DPP10: variants seen among roughly 807,000 people sequenced by gnomAD.
DPP10 encodes the protein dipeptidyl peptidase like 10.
DPP10 carries 33 observed loss-of-function variants against 120.9 expected under a neutral mutation model. The ratio of observed to expected loss-of-function variants is 0.27; its 90% CI spans 0.21 to 0.37. The LOEUF (loss-of-function observed/expected upper bound fraction) is 0.37. DPP10 is among the 10% of genes least tolerant of loss of function. DPP10 has a pLI of 1.00. For synonymous variants in DPP10, 337 were observed against 326.1 expected, an observed-to-expected ratio of 1.03 and a Z score of -0.36; for missense variants, 816 against 942.8, an observed-to-expected ratio of 0.87 and a Z score of 1.76.
At chr2:115,677,973 C>T (rs1041197106) in intron 5 of DPP10, among the ~76,000 whole-genome samples, 2 of 152,160 alleles carry the variant, frequency 1.3e-5, no homozygotes, top group African/African-American at 4.8e-5. Context: ...ACATTCTTCT[C>T]ATTAGCACAT....
At chr2:114,681,050 T>G (rs1425872890) in intron 1 of DPP10, among the ~76,000 whole-genome samples, 2 of 152,008 alleles carry the variant, frequency 1.3e-5, no homozygotes, top group Admixed American at 6.6e-5. Context: ...TAAGCTGATC[T>G]TCTCCAAAAA....
chr2:114,840,434 T>C (rs541355342), intron 1 of DPP10, among the ~76,000 whole-genome samples: 1 of 152,010 alleles, frequency 6.6e-6, no homozygotes, highest in Non-Finnish European at 1.5e-5. Flanking sequence ...AACTCCCAAA[T>C]TTTCAGGTTC....
intron 1 of DPP10, among the ~76,000 whole-genome samples, chr2:114,616,607 T>C (rs1353630497): frequency 6.6e-6 from 1 of 152,130 alleles, no homozygotes; most frequent in East Asian, 1.9e-4. Context: ...ACGTGGGGAC[T>C]GTTTGCTCAC....
At chr2:114,888,522 G>T (rs189617901) in intron 1 of DPP10, among the ~76,000 whole-genome samples, 140 of 152,220 alleles carry the variant, frequency 9.2e-4, no homozygotes, top group Middle Eastern at 6.8e-3. Context: ...CAAAAAAAAT[G>T]ATGATCAAAA....
At chr2:114,739,510 G>A (rs1323966317) in intron 1 of DPP10, among the ~76,000 whole-genome samples, 2 of 151,876 alleles carry the variant, frequency 1.3e-5, no homozygotes, top group Non-Finnish European at 2.9e-5. Context: ...AATACAAAAA[G>A]TAACCAAGTG....
At chr2:114,479,228 A>G (rs1026941496) in intron 1 of DPP10, among the ~76,000 whole-genome samples, 6 of 152,178 alleles carry the variant, frequency 3.9e-5, no homozygotes, top group Admixed American at 6.5e-5. Flanking sequence ...TTGTTTTTAC[A>G]CATAGACAAG....
intron 1 of DPP10, among the ~76,000 whole-genome samples, chr2:115,304,289 T>G (rs562169375): frequency 1.4e-4 from 21 of 152,038 alleles, no homozygotes; most frequent in African/African-American, 4.8e-4. Context: ...CAAGTCAATA[T>G]AGGGAAGGGA....
intron 1 of DPP10, among the ~76,000 whole-genome samples, chr2:114,942,313 A>ATATATATATATATATATG (rs1696986957): frequency 8.0e-6 from 1 of 125,716 alleles, no homozygotes; most frequent in African/African-American, 3.0e-5. Context: ...ATATATATAT[A>ATATATATATATATATATG]TATATATACA....
intron 1 of DPP10, among the ~76,000 whole-genome samples, chr2:115,286,171 T>G (rs1283367117): frequency 1.3e-5 from 2 of 151,776 alleles, no homozygotes; most frequent in Non-Finnish European, 2.9e-5. Context: ...TGCATCCTAA[T>G]ACTGGTATGC....
At chr2:115,077,228 G>T in intron 1 of DPP10, among the ~76,000 whole-genome samples, 1 of 152,204 alleles carries the variant, frequency 6.6e-6, no homozygotes, top group Middle Eastern at 3.4e-3. Flanking sequence ...AAAATAACAT[G>T]AGTAAAATCT....
At chr2:115,379,731 C>T (rs2106457178) in intron 3 of DPP10, among the ~76,000 whole-genome samples, 1 of 151,910 alleles carries the variant, frequency 6.6e-6, no homozygotes, top group South Asian at 2.1e-4. Context: ...TGAATGCGTC[C>T]CAGAGATTCT....
At chr2:115,604,812 C>A (rs558026967) in intron 5 of DPP10, among the ~76,000 whole-genome samples, 1 of 152,274 alleles carries the variant, frequency 6.6e-6, no homozygotes, top group South Asian at 2.1e-4. Context: ...TACCATACTG[C>A]AAAAACTCCT....
At chr2:115,311,872 C>A (rs991365999) in intron 2 of DPP10, among the ~76,000 whole-genome samples, 1 of 151,986 alleles carries the variant, frequency 6.6e-6, no homozygotes, top group Non-Finnish European at 1.5e-5. Flanking sequence ...CTCAAGCGAT[C>A]CTCCCACCTC....
At chr2:114,648,523 C>T (rs1312114631) in intron 1 of DPP10, among the ~76,000 whole-genome samples, 1 of 152,156 alleles carries the variant, frequency 6.6e-6, no homozygotes, top group African/African-American at 2.4e-5. Flanking sequence ...GTGGTTCCCT[C>T]CCTGTGGTCA....
rs560897287 is a variant in DPP10, at chr2:115,023,484, CA to C, written c.61-285748del. 4.6e-5 allele frequency among the ~76,000 whole-genome samples: 7 copies of C among 151,492 alleles called. No homozygotes were observed. The East Asian group carries it at 1.4e-3, about 29-fold the overall frequency. ...CAAGAGTGGTCATAATGAAAAAAAT[CA>C]AAAAAATAATAGATGTTGTTGTGGA... On this transcript the variant is annotated intron_variant, in intron 1 of 25. Transcript: ENST00000410059.
intron 2 of DPP10, among the ~76,000 whole-genome samples, chr2:115,331,065 A>G (rs531333241): frequency 3.9e-5 from 6 of 152,248 alleles, no homozygotes; most frequent in African/African-American, 1.4e-4. Flanking sequence ...TGGGCATGGA[A>G]CGTTCTTCCA....
rs527425152 is a variant in DPP10 at position 114,589,497 on chromosome 2, A to T, written c.60+146659A>T. Among the ~76,000 whole-genome samples the T allele has an allele frequency of 3.1e-3, 478 of 152,278 alleles. 3 individuals carry two copies. The highest frequency in any genetic ancestry group is 0.011 in the African/African-American group (461 of 41,564). ...CATGTGTTTTGAGCTCCTTTTCCAT[A>T]AAAAAGTGCTCATGGTAAGCATATA... is the stretch of plus-strand genomic sequence containing the variant. On this transcript the variant is annotated intron_variant, in intron 1 of 25. Transcript: ENST00000410059.
At chr2:115,525,230 T>C (rs1004212988) in intron 4 of DPP10, among the ~76,000 whole-genome samples, 30 of 152,296 alleles carry the variant, frequency 2.0e-4, no homozygotes, top group African/African-American at 6.5e-4. Context: ...TAGACAAATA[T>C]CTCTATTTCA....
chr2:115,306,525 G>T (rs549773521), intron 1 of DPP10, among the ~76,000 whole-genome samples: 1 of 152,210 alleles, frequency 6.6e-6, no homozygotes, highest in Admixed American at 6.6e-5. Context: ...TTTAGCCAGT[G>T]TAGGGATGTT....
Sources: allele counts gnomAD v4.1 joint callset (sites outside exome capture counted in the v4.1 genomes callset), GRCh38; gene constraint gnomAD v4.1.1; transcripts MANE v1.5; gene names NCBI Gene and HGNC (gene_info 2026-07-23, HGNC 2026-07-21).